The following CAPN11 variants were observed in gnomAD, a reference collection of about 807,000 sequenced individuals.
CAPN11 encodes the protein calpain 11.
A neutral mutation model predicts 105.3 loss-of-function variants in CAPN11; 108 were observed. That is an observed-to-expected ratio of 1.03 (90% CI 0.88 to 1.20). The LOEUF (loss-of-function observed/expected upper bound fraction) is 1.20, where lower values mean the gene tolerates loss of function less well. Ranked by LOEUF, CAPN11 falls within the 50% of genes most tolerant of loss-of-function variation. CAPN11 has a pLI of 0.00. For synonymous variants in CAPN11, 329 were observed against 344.5 expected (o/e 0.96, Z 0.50); for missense variants, 883 against 924.8 (o/e 0.95, Z 0.59).
chr6:44,183,818 ACCCCAC>A, intron 22 of CAPN11, 55 bp downstream of exon 22: 3 of 1,584,924 alleles, frequency 1.9e-6, no homozygotes, highest in Non-Finnish European at 2.6e-6. Flanking sequence ...CTGCCCCTCA[ACCCCAC>A]CCCCACCCAG....
rs911792130 is a variant in CAPN11, at chr6:44,169,966, G to A, written c.400G>A (p.Gly134Arg). 4 of 1,610,430 alleles carry A rather than the reference G, an allele frequency of 2.5e-6. No individual in the cohort carries two copies. The highest frequency in any genetic ancestry group is 1.3e-5 in the African/African-American group (1 of 74,860). Residue 134 changes from glycine to arginine, a missense_variant, in exon 4 of 23, where the codon GGG becomes AGG. Coordinates refer to ENST00000398776, the MANE Select transcript of CAPN11 (RefSeq NM_007058.4). ...DGISPTDICQ[G>R]ILGDCWLLAA... ...GATTTCTCCAACAGACATCTGCCAG[G>A]GGATCCTCGGTGAGTGGGGCACAGG...
At chr6:44,163,086 A>G (rs1275005505) in intron 1 of CAPN11, among the ~76,000 whole-genome samples, 1 of 152,132 alleles carries the variant, frequency 6.6e-6, no homozygotes, top group African/African-American at 2.4e-5. Context: ...TTTTCTGAGC[A>G]CCTGCTAAAC....
chr6:44,168,866 C>G (rs1200553942), intron 2 of CAPN11: 2 of 388,442 alleles, frequency 5.1e-6, no homozygotes, highest in Non-Finnish European at 1.0e-5. Flanking sequence ...GGTGATCCAC[C>G]CACCTTGGCC....
intron 4 of CAPN11, 67 bp downstream of exon 4, chr6:44,170,042 C>CTT: frequency 7.8e-7 from 1 of 1,278,702 alleles, no homozygotes; most frequent in Non-Finnish European, 1.1e-6. Flanking sequence ...GCCAGGGTGT[C>CTT]TTTTGAAGCT....
At chr6:44,161,947 G>T in intron 1 of CAPN11, 1 of 453,240 alleles carries the variant, frequency 2.2e-6, no homozygotes, top group Non-Finnish European at 4.5e-6. Context: ...CAGCTCTCTT[G>T]ACATTTTGAA....
chr6:44,168,929 TA>T (rs761748302), intron 2 of CAPN11: 2 of 431,468 alleles, frequency 4.6e-6, no homozygotes, highest in South Asian at 3.2e-5. Context: ...CCTATTTATT[TA>T]TTTTTTTTTA....
chr6:44,177,172 C>T (rs898651564), intron 11 of CAPN11, 70 bp from the exon 12 acceptor site: 65 of 1,508,830 alleles, frequency 4.3e-5, no homozygotes, highest in Non-Finnish European at 3.1e-5. Context: ...TGGGGAAGCT[C>T]GGTCCACCCT....
Position 44,183,947 on chromosome 6 carries a change from C to G in CAPN11, c.*15C>G. 6.4e-7 allele frequency: 1 copy of G among 1,553,188 alleles called. No individual in the cohort carries two copies. Among genetic ancestry groups the G allele is most frequent in the Non-Finnish European group, 8.7e-7 (1 of 1,147,936 alleles). ...TGTGGGGATAGAGGCGCTGTAGGAG[C>G]CTGGTCATCTCTACCAGCAGCAGCA... is the stretch of plus-strand genomic sequence containing the variant. On this transcript the variant is annotated 3_prime_UTR_variant, in exon 23 of 23. Coordinates refer to ENST00000398776, the MANE Select transcript of CAPN11 (RefSeq NM_007058.4).
At chr6:44,158,994 A>G in intron 1 of CAPN11, 130 bp downstream of exon 1, 1 of 515,138 alleles carries the variant, frequency 1.9e-6, no homozygotes, top group African/African-American at 4.1e-5. Flanking sequence ...CTTCCATCAG[A>G]CTGGATGCCC....
intron 21 of CAPN11, 86 bp from the exon 22 acceptor site, chr6:44,183,619 C>T (rs1284087425): frequency 2.3e-5 from 28 of 1,234,608 alleles, no homozygotes; most frequent in Middle Eastern, 1.9e-4. Flanking sequence ...CACCTGGTGT[C>T]GCCCCTTCCT....
intron 21 of CAPN11, 24 bp downstream of exon 21, chr6:44,183,259 C>T (rs1455010671): frequency 3.4e-6 from 5 of 1,488,670 alleles, no homozygotes; most frequent in Non-Finnish European, 4.7e-6. Context: ...CTACCCACTC[C>T]CCAGCCTAGG....
rs574598007 is a variant in CAPN11, at chr6:44,180,598, A to G, written c.1682A>G (p.Glu561Gly). Residue 561 changes from glutamate (E) to glycine (G), a missense_variant and splice_region_variant, in exon 16 of 23, where the codon GAA becomes GGA. Transcript: ENST00000398776. The stretch of plus-strand genomic sequence containing the variant: ...CCTTTCCTGCTCCCCGGCCCCCAGG[A>G]AAAGGTCTCTGAGGATGACATGGAC... Reference protein sequence around the residue: ...EVNYAEQLQEEKVSEDDMDQD... With the variant: ...EVNYAEQLQEGKVSEDDMDQD... 6.2e-7 allele frequency: 1 copy of G among 1,613,770 alleles called. No individual in the cohort carries two copies. The highest frequency in any genetic ancestry group is 1.3e-5 in the African/African-American group (1 of 74,972).
chr6:44,171,014 A>C (rs1340346917), intron 4 of CAPN11, among the ~76,000 whole-genome samples: 1 of 152,320 alleles, frequency 6.6e-6, no homozygotes, highest in East Asian at 1.9e-4. Context: ...CTTAGACCCC[A>C]GGGCCGCTGC....
Position 44,164,596 on chromosome 6 carries a change from C to G in CAPN11, c.17-2162C>G, listed in dbSNP as rs962379457. 6.6e-5 allele frequency among the ~76,000 whole-genome samples: 10 copies of G among 152,252 alleles called. No homozygotes were observed. In the South Asian group the frequency reaches 1.9e-3, roughly 28 times the overall value. ...CGCAGCCCCAAGTTCTGCGCGGACA[C>G]CACAGGGGAGGCTTCACAGAGGAGG... On this transcript the variant is annotated intron_variant, in intron 1 of 22. Transcript: ENST00000398776.
At position 44,180,763 on chromosome 6, in the gene CAPN11, G is replaced by T; in HGVS notation, c.1762G>T (p.Val588Leu). 1.9e-6 allele frequency: 3 copies of T among 1,613,706 alleles called. No homozygotes were observed. The highest frequency in any genetic ancestry group is 2.5e-6 in the Non-Finnish European group (3 of 1,179,764). ...CCCTTCCTAGGGCAAGGAGATAGGG[G>T]TGTATGAGCTCCAGAGGCTGCTCAA... Reference protein sequence around the residue: ...IVAGEGKEIGVYELQRLLNRM... With the variant: ...IVAGEGKEIGLYELQRLLNRM... Residue 588 changes from valine to leucine, a missense_variant, in exon 17 of 23, where the codon GTG becomes TTG. Transcript: ENST00000398776.
chr6:44,177,361 T>C lies in CAPN11; in HGVS notation c.1357T>C (p.Trp453Arg). Residue 453 changes from tryptophan (W) to arginine (R), a missense_variant, in exon 12 of 23, where the codon TGG becomes CGG. Transcript: ENST00000398776. ...TCLVALMQKNWRHARQQGAQL... is the reference protein window; with the variant it reads ...TCLVALMQKNRRHARQQGAQL... Reference sequence around the variant, plus strand: ...CCTGGTGGCCCTAATGCAGAAGAACTGGCGGCATGCACGGCAGCAGGGAGC... The same window carrying C: ...CCTGGTGGCCCTAATGCAGAAGAACCGGCGGCATGCACGGCAGCAGGGAGC... 6.2e-7 allele frequency: 1 copy of C among 1,613,920 alleles called. No individual in the cohort carries two copies. Among genetic ancestry groups the C allele is most frequent in the Non-Finnish European group, 8.5e-7 (1 of 1,179,866 alleles).
Position 44,181,287 on chromosome 6 carries a change from C to T in CAPN11, c.1905C>T (p.Phe635=). The T allele has an allele frequency of 6.2e-7, 1 of 1,613,452 alleles. No homozygotes were observed. Among genetic ancestry groups the T allele is most frequent in the South Asian group, 1.1e-5 (1 of 91,068 alleles). Residue 635 remains phenylalanine (F), a synonymous_variant, in exon 19 of 23, where the codon TTC becomes TTT. Coordinates refer to ENST00000398776, the MANE Select transcript of CAPN11 (RefSeq NM_007058.4). The stretch of plus-strand genomic sequence containing the variant: ...CTGGCAAGCTGGGGCTTCTAGAGTT[C>T]AAGATCCTGTGGAAAAAACTCAAGA... ...DGSGKLGLLE[F]KILWKKLKKW...
chr6:44,181,420 A>ACACACACACCCAACCACACCACACT, intron 19 of CAPN11, 100 bp downstream of exon 19: 7 of 308,812 alleles, frequency 2.3e-5, no homozygotes, highest in Middle Eastern at 1.1e-3. Context: ...CCCTAACCAC[A>ACACACACACCCAACCACACCACACT]CACACACACA....
chr6:44,168,720 A>G (rs1770434039), intron 2 of CAPN11, among the ~76,000 whole-genome samples: 1 of 151,948 alleles, frequency 6.6e-6, no homozygotes, highest in Admixed American at 6.6e-5. Context: ...CCTGGGTTCA[A>G]GCGATTCTCC....
Sources: gnomAD v4.1 joint callset for allele counts (sites outside exome capture counted in the v4.1 genomes callset) on GRCh38, gnomAD v4.1.1 for gene constraint, MANE v1.5 for transcripts, NCBI Gene and HGNC (gene_info 2026-07-23, HGNC 2026-07-21) for gene names.